The following IPO9 variants were observed in gnomAD, a reference collection of about 807,000 sequenced individuals.
The protein encoded by IPO9 is importin 9, also known as importin-9.
A neutral mutation model predicts 128.6 loss-of-function variants in IPO9; 28 were observed. The observed-to-expected ratio is 0.22, with a 90% CI of 0.16 to 0.30. The LOEUF (loss-of-function observed/expected upper bound fraction) is 0.30. Among genes scored for constraint, IPO9 ranks in the 10% least tolerant of loss-of-function variants. IPO9 has a pLI of 1.00. For missense variants in IPO9, 935 were observed against 1,293.9 expected (o/e 0.72, Z 4.26); for synonymous variants, 455 against 475.8 (o/e 0.96, Z 0.57).
At chr1:201,843,553 G>A (rs1024893771) in intron 1 of IPO9, among the ~76,000 whole-genome samples, 2 of 152,204 alleles carry the variant, frequency 1.3e-5, no homozygotes, top group South Asian at 2.1e-4. Flanking sequence ...ATTCTTGGTC[G>A]GGTGTGGTGG....
At position 201,829,948 on chromosome 1, in the gene IPO9, A is replaced by G. The variant is rs1485776013; in HGVS notation, c.163+576A>G. 3.3e-5 allele frequency among the ~76,000 whole-genome samples: 5 copies of G among 152,246 alleles called. No homozygotes were observed. The East Asian group carries it at 9.6e-4, about 29-fold the overall frequency. On this transcript the variant is annotated intron_variant, in intron 1 of 23. Transcript: ENST00000361565. ...ATGCGATTGCTTCACTGTCCTGACC[A>G]TACTTAACGTTTATTTTAAAAATAA...
chr1:201,840,006 G>A (rs1006098027), intron 1 of IPO9, among the ~76,000 whole-genome samples: 1 of 152,154 alleles, frequency 6.6e-6, no homozygotes, highest in African/African-American at 2.4e-5. Flanking sequence ...TACAAAAAGT[G>A]TTTAAACTCA....
intron 1 of IPO9, among the ~76,000 whole-genome samples, chr1:201,832,368 C>T (rs373229545): frequency 3.3e-5 from 5 of 151,860 alleles, no homozygotes; most frequent in East Asian, 3.9e-4. Flanking sequence ...AAGCAATTCT[C>T]GTGCCTCAGC....
intron 4 of IPO9, 78 bp from the exon 5 acceptor site, chr1:201,852,026 G>A: frequency 1.1e-6 from 1 of 874,604 alleles, no homozygotes. Context: ...CCACCTAGAA[G>A]CAGTTCAGAA....
intron 15 of IPO9, among the ~76,000 whole-genome samples, chr1:201,868,342 G>T (rs978642913): frequency 6.7e-6 from 1 of 148,312 alleles, no homozygotes; most frequent in Non-Finnish European, 1.5e-5. Flanking sequence ...GTTTTATAAC[G>T]TAGGTTTCAC....
At chr1:201,851,973 C>T (rs1680225942) in intron 4 of IPO9, 131 bp from the exon 5 acceptor site, 2 of 504,362 alleles carry the variant, frequency 4.0e-6, no homozygotes, top group South Asian at 3.3e-5. Flanking sequence ...AATGAGACCA[C>T]CAGGCCAGTG....
chr1:201,872,716 T>G (rs1680677719), intron 19 of IPO9, 112 bp from the exon 20 acceptor site: 1 of 1,233,248 alleles, frequency 8.1e-7, no homozygotes, highest in African/African-American at 1.5e-5. Flanking sequence ...TAATTAGTTG[T>G]TAACGGAATT....
chr1:201,884,092 T>C lies in IPO9; in HGVS notation c.*8038T>C, dbSNP rs1057185359. On this transcript the variant is annotated 3_prime_UTR_variant, in exon 24 of 24. Coordinates refer to ENST00000361565, the MANE Select transcript of IPO9 (RefSeq NM_018085.5). ...AGTAAGTGGCAGAGCAGGACTCATA[T>C]CTAGTTAGTGGTTCAGAGCATGGGC... The C allele has an allele frequency of 4.6e-5, 7 of 152,322 alleles. No individual in the cohort carries two copies. Among genetic ancestry groups the C allele is most frequent in the African/African-American group, 1.2e-4 (5 of 41,576 alleles). The allele number at this position is 152,322 out of a possible 1,614,324, so 9.4% of individuals were successfully genotyped here.
rs34740541 is a variant in IPO9 at position 201,883,171 on chromosome 1, T to TCCCC, written c.*7125_*7128dup. 11 of 134,474 alleles carry TCCCC rather than the reference T, an allele frequency of 8.2e-5. No individual in the cohort carries two copies. Among genetic ancestry groups the TCCCC allele is most frequent in the South Asian group, 2.6e-4 (1 of 3,796 alleles). 8.3% of individuals were successfully genotyped at this position (134,474 alleles called of 1,614,324 possible). A position where few individuals can be genotyped will look rare whatever the true frequency, so the allele number is the denominator to read the frequency against. ...GTGTATTAATTTGCTTTCACTAGAT[T>TCCCC]CCCCCCCCCCCAACAACTTAGTCCA... On this transcript the variant is annotated 3_prime_UTR_variant, in exon 24 of 24. Transcript: ENST00000361565.
chr1:201,863,813 T>G (rs1049597589), intron 14 of IPO9, among the ~76,000 whole-genome samples: 1 of 152,214 alleles, frequency 6.6e-6, no homozygotes, highest in African/African-American at 2.4e-5. Flanking sequence ...TCTGCTCCTC[T>G]TCCTCTTTAA....
At position 201,880,708 on chromosome 1, in the gene IPO9, G is replaced by C. The variant is rs535086658; in HGVS notation, c.*4654G>C. On this transcript the variant is annotated 3_prime_UTR_variant, in exon 24 of 24. Coordinates refer to ENST00000361565, the MANE Select transcript of IPO9 (RefSeq NM_018085.5). ...TTTGGCCCTTTCCCTCAAGGAGCTAGTCTAGTAGGGGGTCAGAAATACAGA... is the reference window on the plus strand; with the variant it reads ...TTTGGCCCTTTCCCTCAAGGAGCTACTCTAGTAGGGGGTCAGAAATACAGA... 6.6e-6 allele frequency: 1 copy of C among 152,338 alleles called. No individual in the cohort carries two copies. The highest frequency in any genetic ancestry group is 2.4e-5 in the African/African-American group (1 of 41,572). 9.4% of individuals were successfully genotyped at this position (152,338 alleles called of 1,614,324 possible).
chr1:201,852,319 G>T, intron 5 of IPO9, 127 bp downstream of exon 5: 1 of 589,726 alleles, frequency 1.7e-6, no homozygotes, highest in Non-Finnish European at 3.0e-6. Flanking sequence ...CAAAGATCTG[G>T]ATCTGAATCT....
At chr1:201,864,215 A>G (rs1680508555) in intron 14 of IPO9, among the ~76,000 whole-genome samples, 1 of 152,212 alleles carries the variant, frequency 6.6e-6, no homozygotes. Context: ...GCCCTGTCTT[A>G]TCTTTTGAGG....
intron 4 of IPO9, 53 bp from the exon 5 acceptor site, chr1:201,852,051 T>C (rs1680226591): frequency 4.4e-6 from 5 of 1,142,006 alleles, no homozygotes; most frequent in Non-Finnish European, 6.6e-6. Flanking sequence ...TCACACTTAA[T>C]ATCTTTATGA....
intron 14 of IPO9, among the ~76,000 whole-genome samples, chr1:201,865,036 T>TTTGTTTGACAAA: frequency 6.6e-6 from 1 of 152,098 alleles, no homozygotes; most frequent in African/African-American, 2.4e-5. Context: ...AAACACTGGA[T>TTTGTTTGACAAA]TCCTTGAAGC....
chr1:201,855,907 C>G lies in IPO9; in HGVS notation c.1095C>G (p.Ile365Met), dbSNP rs781261432. 2.1e-5 allele frequency: 33 copies of G among 1,598,566 alleles called. No individual in the cohort carries two copies. Among genetic ancestry groups the G allele is most frequent in the Non-Finnish European group, 2.8e-5 (33 of 1,176,426 alleles). ...KALPELIYYI[I>M]LYMQITEEQI... ...TGCCTGAATTGATTTATTATATTATCCTGTACATGCAAATCACTGAGGAGC... is the reference window on the plus strand; with the variant it reads ...TGCCTGAATTGATTTATTATATTATGCTGTACATGCAAATCACTGAGGAGC... Residue 365 changes from isoleucine (I) to methionine (M), a missense_variant, in exon 10 of 24, where the codon ATC becomes ATG. Ile to Met is a conservative substitution (Grantham distance 10, BLOSUM62 1). Around this residue, in one of 3 missense-constraint regions of IPO9, gnomAD observed 741 missense variants for 1,019.1 expected, o/e 0.73. Coordinates refer to ENST00000361565, the MANE Select transcript of IPO9 (RefSeq NM_018085.5).
intron 14 of IPO9, among the ~76,000 whole-genome samples, chr1:201,865,571 C>G (rs544787379): frequency 1.3e-5 from 2 of 152,182 alleles, no homozygotes; most frequent in South Asian, 2.1e-4. Context: ...CGTTGCTTTT[C>G]TTTTTTTCTT....
chr1:201,854,519 A>G, intron 6 of IPO9, 76 bp from the exon 7 acceptor site: 2 of 1,556,562 alleles, frequency 1.3e-6, no homozygotes, highest in African/African-American at 2.7e-5. Context: ...CCTTTCAAAT[A>G]TCAGTGTTTG....
At chr1:201,867,002 A>G (rs555858801) in intron 15 of IPO9, 43 bp downstream of exon 15, 1 of 1,478,098 alleles carries the variant, frequency 6.8e-7, no homozygotes, top group East Asian at 2.3e-5. Context: ...CACCAAAGAA[A>G]AGGTGGTGGC....
Sources: gnomAD v4.1 joint callset for allele counts (sites outside exome capture counted in the v4.1 genomes callset) on GRCh38, gnomAD v4.1.1 for gene constraint, gnomAD v4.1.1 regional missense constraint, MANE v1.5 for transcripts, NCBI Gene and HGNC (gene_info 2026-07-23, HGNC 2026-07-21) for gene names.